ANO2: variants seen among roughly 807,000 people sequenced by gnomAD.
ANO2 encodes the protein anoctamin 2, also known as anoctamin-2.
A neutral mutation model predicts 124.2 loss-of-function variants in ANO2; 101 were observed. That is an observed-to-expected ratio of 0.81 (90% CI 0.69 to 0.96). The LOEUF is 0.96. Ranked by LOEUF, ANO2 falls within the 40% of genes least tolerant of loss-of-function variation. The probability of loss-of-function intolerance (pLI) is 0.00; values close to 1 mark genes in which losing one functional copy is unlikely to be tolerated. For synonymous variants in ANO2, 486 were observed against 482.5 expected, an observed-to-expected ratio of 1.01 and a Z score of -0.09; for missense variants, 1,293 against 1,274.5, an observed-to-expected ratio of 1.01 and a Z score of -0.22.
chr12:5,913,089 C>A (rs756373582), intron 3 of ANO2, among the ~76,000 whole-genome samples: 1 of 152,180 alleles, frequency 6.6e-6, no homozygotes, highest in Non-Finnish European at 1.5e-5. Context: ...GCACCAGCAG[C>A]CTGCCCTCTG....
chr12:5,943,376 G>C (rs1942971728), intron 1 of ANO2, among the ~76,000 whole-genome samples: 1 of 152,018 alleles, frequency 6.6e-6, no homozygotes, highest in Non-Finnish European at 1.5e-5. Context: ...GATGGAGCTA[G>C]AGGCCATTAT....
In ANO2 at chr12:5,732,828, G is replaced by C. The variant is rs201698138; in HGVS notation, c.1435-198C>G. On this transcript the variant is annotated intron_variant, in intron 13 of 24. Transcript: ENST00000682330. ...AGAACACAACGTGAGGAAGAGACAA[G>C]GGACACACAACACTCGTTATCACAC... is the stretch of plus-strand genomic sequence containing the variant. The C allele has an allele frequency of 2.2e-4, 347 of 1,613,318 alleles. No individual in the cohort carries two copies. In the African/African-American group the frequency reaches 4.0e-3, roughly 18 times the overall value.
intron 4 of ANO2, among the ~76,000 whole-genome samples, chr12:5,834,091 C>T (rs1388570465): frequency 6.6e-6 from 1 of 152,156 alleles, no homozygotes; most frequent in Non-Finnish European, 1.5e-5. Flanking sequence ...CATCCCACCT[C>T]CAAGCTGGCT....
chr12:5,942,984 G>A (rs1942953010), intron 1 of ANO2, among the ~76,000 whole-genome samples: 1 of 152,262 alleles, frequency 6.6e-6, no homozygotes, highest in South Asian at 2.1e-4. Context: ...GCATGGATGT[G>A]ATGAAAAGGG....
intron 15 of ANO2, among the ~76,000 whole-genome samples, chr12:5,640,266 G>A (rs1946269721): frequency 6.6e-6 from 1 of 152,116 alleles, no homozygotes; most frequent in East Asian, 1.9e-4. Flanking sequence ...CAAGCACAGG[G>A]GTGAAGAAAG....
intron 23 of ANO2, among the ~76,000 whole-genome samples, chr12:5,570,510 T>A (rs1942043527): frequency 6.6e-6 from 1 of 152,096 alleles, no homozygotes; most frequent in Non-Finnish European, 1.5e-5. Flanking sequence ...AAAGTCTCCA[T>A]TTTTACAGAT....
chr12:5,817,522 T>C (rs1054615317), intron 7 of ANO2, among the ~76,000 whole-genome samples: 1 of 152,144 alleles, frequency 6.6e-6, no homozygotes, highest in African/African-American at 2.4e-5. Context: ...GAGATTCGGT[T>C]TGATAAGAGC....
intron 10 of ANO2, among the ~76,000 whole-genome samples, chr12:5,797,825 C>T (rs1238537122): frequency 6.6e-6 from 1 of 152,184 alleles, no homozygotes; most frequent in East Asian, 1.9e-4. Context: ...TCCGGCCCTG[C>T]TCCAGTACAC....
chr12:5,576,391 G>A (rs940496833), intron 22 of ANO2, among the ~76,000 whole-genome samples: 4 of 152,192 alleles, frequency 2.6e-5, no homozygotes, highest in East Asian at 1.9e-4. Flanking sequence ...AGGGTACTAC[G>A]TAAGTGTAAT....
chr12:5,575,085 C>A (rs1050467108), intron 23 of ANO2, among the ~76,000 whole-genome samples: 4 of 152,146 alleles, frequency 2.6e-5, no homozygotes, highest in Admixed American at 2.0e-4. Context: ...TTTTTCTTTT[C>A]TCTCTTACAA....
chr12:5,919,808 C>T (rs1941592165), intron 3 of ANO2, among the ~76,000 whole-genome samples: 1 of 152,178 alleles, frequency 6.6e-6, no homozygotes, highest in Non-Finnish European at 1.5e-5. Context: ...TGCCATTCTC[C>T]TGCCTCAGCC....
At chr12:5,666,772 C>T (rs112293057) in intron 14 of ANO2, among the ~76,000 whole-genome samples, 2 of 146,402 alleles carry the variant, frequency 1.4e-5, no homozygotes, top group African/African-American at 2.5e-5. Flanking sequence ...CTGGCCCCCC[C>T]ACCCACCCCA....
At chr12:5,743,233 T>G (rs1249776216) in intron 12 of ANO2, among the ~76,000 whole-genome samples, 1 of 151,866 alleles carries the variant, frequency 6.6e-6, no homozygotes. Context: ...CTGGGCGCCA[T>G]GGAGTCAGTG....
chr12:5,764,540 A>C (rs1451217358), intron 10 of ANO2, among the ~76,000 whole-genome samples: 1 of 152,198 alleles, frequency 6.6e-6, no homozygotes, highest in Non-Finnish European at 1.5e-5. Context: ...TCCAGCTTTC[A>C]ACCTCCACAT....
chr12:5,760,418 GA>G (rs1951703797), intron 10 of ANO2, among the ~76,000 whole-genome samples: 1 of 152,176 alleles, frequency 6.6e-6, no homozygotes, highest in Middle Eastern at 3.2e-3. Flanking sequence ...TAAAGAGTAA[GA>G]ACAGTGAATA....
intron 7 of ANO2, 46 bp from the exon 8 acceptor site, chr12:5,807,414 T>G: frequency 2.6e-6 from 4 of 1,512,226 alleles, no homozygotes; most frequent in Non-Finnish European, 3.6e-6. Flanking sequence ...GGGCAAGCGT[T>G]TCTCAACTTA....
rs1391567812 is a variant in ANO2, at chr12:5,691,340, AAAAAAAAG to A, written c.1545+41172_1545+41179del. ...AAGACTCCATCTCAAAAAAAAAAAA[AAAAAAAAG>A]AAGAAGAAGAAGAAAAAGAAAAAAA... On this transcript the variant is annotated intron_variant, in intron 14 of 24. Coordinates refer to ENST00000682330, the MANE Select transcript of ANO2 (RefSeq NM_001364791.2). Among the ~76,000 whole-genome samples the A allele has an allele frequency of 3.2e-3, 471 of 147,648 alleles. 2 individuals are homozygous for A. Among genetic ancestry groups the A allele is most frequent in the African/African-American group, 0.011 (451 of 40,392 alleles).
chr12:5,632,818 A>C (rs926189527), intron 16 of ANO2, among the ~76,000 whole-genome samples: 5 of 152,310 alleles, frequency 3.3e-5, no homozygotes, highest in African/African-American at 9.6e-5. Flanking sequence ...ACAAATGAAC[A>C]GGAAGGAGAA....
chr12:5,764,678 C>G (rs1419098789), intron 10 of ANO2, among the ~76,000 whole-genome samples: 1 of 152,200 alleles, frequency 6.6e-6, no homozygotes, highest in Admixed American at 6.5e-5. Flanking sequence ...CCACCACTGC[C>G]ATCACCATTC....
Sources: gnomAD v4.1 joint callset for allele counts (sites outside exome capture counted in the v4.1 genomes callset) on GRCh38, gnomAD v4.1.1 for gene constraint, MANE v1.5 for transcripts, NCBI Gene and HGNC (gene_info 2026-07-23, HGNC 2026-07-21) for gene names.